The following COL25A1 variants were observed in gnomAD, a reference collection of about 807,000 sequenced individuals.
COL25A1 encodes collagen alpha-1(XXV) chain.
COL25A1 carries 103 observed loss-of-function variants against 128.4 expected under a neutral mutation model. The observed-to-expected ratio is 0.80, with a 90% CI of 0.68 to 0.94. COL25A1 has a LOEUF of 0.94. Ranked by LOEUF, COL25A1 falls within the 40% of genes least tolerant of loss-of-function variation. COL25A1 has a pLI of 0.00. For synonymous variants in COL25A1, 279 were observed against 277.2 expected (o/e 1.01, Z -0.06); for missense variants, 745 against 840.0 (o/e 0.89, Z 1.40).
At position 108,972,481 on chromosome 4, in the gene COL25A1, T is replaced by C. The variant is rs1396264609; in HGVS notation, c.492+1886A>G. 2.0e-5 allele frequency among the ~76,000 whole-genome samples: 3 copies of C among 152,174 alleles called. No homozygotes were observed. In the East Asian group the frequency reaches 5.8e-4, roughly 29 times the overall value. ...AATACTATCTTACTAGATAGTAATG[T>C]TTACAAAATTCTAAGAGCACTGAAT... On this transcript the variant is annotated intron_variant, in intron 8 of 37. Coordinates refer to ENST00000399132, the MANE Select transcript of COL25A1 (RefSeq NM_198721.4).
chr4:108,813,803 G>T lies in COL25A1; in HGVS notation c.*124C>A. Reference sequence around the variant, plus strand: ...AAAATGGACATGTATACTACTGCCAGCAGGAAGAAGCAGCCCTATGTAAAC... The same window carrying T: ...AAAATGGACATGTATACTACTGCCATCAGGAAGAAGCAGCCCTATGTAAAC... On this transcript the variant is annotated 3_prime_UTR_variant, in exon 38 of 38. Transcript: ENST00000399132. 2 of 743,720 alleles carry T rather than the reference G, an allele frequency of 2.7e-6. No individual in the cohort carries two copies. The highest frequency in any genetic ancestry group is 2.4e-4 in the Middle Eastern group (1 of 4,116). The allele number at this position is 743,720 out of a possible 1,614,324, so 46.1% of individuals were successfully genotyped here.
intron 3 of COL25A1, among the ~76,000 whole-genome samples, chr4:109,289,825 A>C (rs1355498054): frequency 6.6e-6 from 1 of 152,072 alleles, no homozygotes; most frequent in Non-Finnish European, 1.5e-5. Context: ...TCTGCTTGCC[A>C]ACCACGGATC....
intron 3 of COL25A1, among the ~76,000 whole-genome samples, chr4:109,274,645 A>C (rs1221002737): frequency 1.3e-5 from 2 of 152,238 alleles, no homozygotes; most frequent in East Asian, 3.8e-4. Flanking sequence ...AATTCATAGA[A>C]ATATGCACAG....
intron 5 of COL25A1, among the ~76,000 whole-genome samples, chr4:109,030,550 A>T (rs1758745429): frequency 6.6e-6 from 1 of 152,224 alleles, no homozygotes; most frequent in African/African-American, 2.4e-5. Context: ...AGACCCTTGA[A>T]TAAGTGACTA....
At chr4:109,094,450 G>A (rs771248976) in intron 3 of COL25A1, among the ~76,000 whole-genome samples, 26 of 152,128 alleles carry the variant, frequency 1.7e-4, no homozygotes, top group African/African-American at 4.3e-4. Context: ...ACTGTGTACC[G>A]TAATACTTTT....
At chr4:108,975,342 G>A (rs1752334644) in intron 6 of COL25A1, among the ~76,000 whole-genome samples, 1 of 152,230 alleles carries the variant, frequency 6.6e-6, no homozygotes, top group Non-Finnish European at 1.5e-5. Flanking sequence ...TGTGATCCCA[G>A]CTACTTGGGA....
At chr4:109,029,391 C>T (rs368689689) in intron 5 of COL25A1, among the ~76,000 whole-genome samples, 19 of 152,308 alleles carry the variant, frequency 1.2e-4, no homozygotes, top group South Asian at 4.2e-4. Context: ...ACAATGCCCA[C>T]GTCATTCACC....
chr4:109,237,569 C>G (rs973174091), intron 3 of COL25A1, among the ~76,000 whole-genome samples: 3 of 147,366 alleles, frequency 2.0e-5, no homozygotes, highest in Non-Finnish European at 4.5e-5. Context: ...CAAGTTTCCA[C>G]TGGTACTAAT....
At chr4:109,149,602 G>A (rs568941021) in intron 3 of COL25A1, among the ~76,000 whole-genome samples, 3 of 152,262 alleles carry the variant, frequency 2.0e-5, no homozygotes, top group South Asian at 2.1e-4. Flanking sequence ...ACTGAGATGC[G>A]AGGTTGCGAC....
intron 3 of COL25A1, among the ~76,000 whole-genome samples, chr4:109,150,197 T>C (rs965689165): frequency 6.6e-6 from 1 of 152,122 alleles, no homozygotes. Context: ...ACAAATCAAA[T>C]AGGCCATCAA....
At chr4:108,840,301 A>G (rs1462885929) in intron 31 of COL25A1, among the ~76,000 whole-genome samples, 2 of 151,670 alleles carry the variant, frequency 1.3e-5, no homozygotes, top group Non-Finnish European at 2.9e-5. Flanking sequence ...TAGATGGGGA[A>G]AAAGGCCCAG....
At chr4:108,827,226 C>T in intron 32 of COL25A1, 38 bp from the exon 33 acceptor site, 1 of 1,515,324 alleles carries the variant, frequency 6.6e-7, no homozygotes, top group Non-Finnish European at 9.2e-7. Flanking sequence ...CATACACACC[C>T]ACCTACATTC....
In COL25A1 at chr4:108,822,043, A is replaced by ATTTTTTTTTTTTTTTTTTTTTTT. The variant is rs10567518; in HGVS notation, c.1845+2130_1845+2131insAAAAAAAAAAAAAAAAAAAAAAA. 5.6e-5 allele frequency among the ~76,000 whole-genome samples: 5 copies of ATTTTTTTTTTTTTTTTTTTTTTT among 89,960 alleles called. 1 individual carries two copies. Among genetic ancestry groups the ATTTTTTTTTTTTTTTTTTTTTTT allele is most frequent in the Non-Finnish European group, 1.1e-4 (5 of 46,848 alleles). The allele number at this position is 89,960 out of a possible 152,430, so 59.0% of individuals were successfully genotyped here. A position where few individuals can be genotyped will look rare whatever the true frequency, so the allele number is the denominator to read the frequency against. On this transcript the variant is annotated intron_variant, in intron 35 of 37. Coordinates refer to ENST00000399132, the MANE Select transcript of COL25A1 (RefSeq NM_198721.4). Reference sequence around the variant, plus strand: ...AAACGTGAGTATCCTCCTAATGGTAATTTTTTTTTTTTTTTTTGGGACAGG... The same window carrying ATTTTTTTTTTTTTTTTTTTTTTT: ...AAACGTGAGTATCCTCCTAATGGTAATTTTTTTTTTTTTTTTTTTTTTTTTTTTTTTTTTTTTTTTGGGACAGG...
At chr4:109,275,738 A>G (rs1722771186) in intron 3 of COL25A1, among the ~76,000 whole-genome samples, 1 of 152,152 alleles carries the variant, frequency 6.6e-6, no homozygotes, top group African/African-American at 2.4e-5. Flanking sequence ...GCAAACTTAA[A>G]ACTGGAGTGC....
chr4:109,062,767 G>A (rs1405740982), intron 3 of COL25A1, among the ~76,000 whole-genome samples: 1 of 152,092 alleles, frequency 6.6e-6, no homozygotes, highest in Non-Finnish European at 1.5e-5. Context: ...CTCCTCATTA[G>A]ACAATCATTA....
At chr4:108,861,637 G>GATGAGGTA (rs1737236474) in intron 22 of COL25A1, among the ~76,000 whole-genome samples, 1 of 152,178 alleles carries the variant, frequency 6.6e-6, no homozygotes, top group African/African-American at 2.4e-5. Context: ...AAGTTTCATT[G>GATGAGGTA]ATGGTGGCAT....
intron 5 of COL25A1, among the ~76,000 whole-genome samples, chr4:109,027,867 A>G (rs1758456638): frequency 6.6e-6 from 1 of 152,162 alleles, no homozygotes; most frequent in East Asian, 1.9e-4. Flanking sequence ...TAAGGGTGGA[A>G]TTCCAGCATT....
chr4:108,856,730 A>T (rs566396942), intron 24 of COL25A1, among the ~76,000 whole-genome samples: 1 of 152,186 alleles, frequency 6.6e-6, no homozygotes, highest in Non-Finnish European at 1.5e-5. Flanking sequence ...TTGGCTGTTT[A>T]GTAGTCATAT....
At chr4:109,101,305 G>A (rs1254540964) in intron 3 of COL25A1, among the ~76,000 whole-genome samples, 15 of 152,180 alleles carry the variant, frequency 9.9e-5, no homozygotes, top group Non-Finnish European at 1.5e-5. Flanking sequence ...GTAAGGCTGA[G>A]CCCTCGGTGA....
Sources: allele counts gnomAD v4.1 joint callset (sites outside exome capture counted in the v4.1 genomes callset), GRCh38; gene constraint gnomAD v4.1.1; transcripts MANE v1.5; gene names NCBI Gene and HGNC (gene_info 2026-07-23, HGNC 2026-07-21).